ZNF536: variants seen among roughly 807,000 people sequenced by gnomAD.
ZNF536 encodes zinc finger protein 536.
In ZNF536, 13 loss-of-function variants were observed where a neutral mutation model predicts 84.5. The observed-to-expected ratio is 0.15, with a 90% CI of 0.10 to 0.24. ZNF536 has a LOEUF of 0.24. Among genes scored for constraint, ZNF536 ranks in the 10% least tolerant of loss-of-function variants. The pLI is 1.00. For synonymous variants in ZNF536, 811 were observed against 742.5 expected (o/e 1.09, Z -1.50); for missense variants, 1,536 against 1,747.5 (o/e 0.88, Z 2.16).
chr19:30,397,612 A>G (rs534289031), intron 1 of ZNF536, among the ~76,000 whole-genome samples: 5 of 152,212 alleles, frequency 3.3e-5, no homozygotes, highest in South Asian at 2.1e-4. Flanking sequence ...TTATATTGCC[A>G]TTTCCACCAT....
At chr19:30,553,573 G>A (rs889351545) in intron 4 of ZNF536, among the ~76,000 whole-genome samples, 1 of 152,180 alleles carries the variant, frequency 6.6e-6, no homozygotes, top group African/African-American at 2.4e-5. Flanking sequence ...ACAGATGAAC[G>A]GGAAAGCAGG....
Position 30,480,117 on chromosome 19 carries a change from G to C in ZNF536, c.2170+34385G>C, listed in dbSNP as rs74927298. 6.2e-4 allele frequency among the ~76,000 whole-genome samples: 95 copies of C among 152,316 alleles called. 3 individuals carry two copies. In the East Asian group the frequency reaches 0.018, roughly 29 times the overall value. ...AGTTCCTCAGATATCACAGCAGCAG[G>C]TTTCAGCACTGCTTTCCCAAGCTCT... On this transcript the variant is annotated intron_variant, in intron 2 of 4. Transcript: ENST00000355537.
intron 3 of ZNF536, among the ~76,000 whole-genome samples, chr19:30,366,403 T>G (rs1375758107): frequency 6.6e-6 from 1 of 151,888 alleles, no homozygotes; most frequent in African/African-American, 2.4e-5. Flanking sequence ...TATCTATATC[T>G]ATCTCCTTCC....
chr19:30,286,062 G>A (rs1298553759), intron 2 of ZNF536, among the ~76,000 whole-genome samples: 1 of 152,108 alleles, frequency 6.6e-6, no homozygotes, highest in Non-Finnish European at 1.5e-5. Context: ...CTGAAATACA[G>A]CCCTCTTCCT....
intron 1 of ZNF536, among the ~76,000 whole-genome samples, chr19:30,392,184 G>T (rs1289833972): frequency 6.6e-6 from 1 of 152,090 alleles, no homozygotes; most frequent in African/African-American, 2.4e-5. Context: ...TTTCCCTTGG[G>T]AATTCCAGTC....
chr19:30,570,573 C>T (rs1482051917), intron 1 of ZNF536, among the ~76,000 whole-genome samples: 1 of 152,144 alleles, frequency 6.6e-6, no homozygotes, highest in Middle Eastern at 3.2e-3. Flanking sequence ...CCGTTGTCAA[C>T]AGAACAAAGG....
chr19:30,306,218 A>T (rs1489163385), intron 2 of ZNF536, among the ~76,000 whole-genome samples: 1 of 134,644 alleles, frequency 7.4e-6, no homozygotes, highest in African/African-American at 2.8e-5. Context: ...TTGTAAAGAG[A>T]TGCTTGTTTA....
chr19:30,426,150 C>T (rs959475311), intron 1 of ZNF536, among the ~76,000 whole-genome samples: 8 of 152,168 alleles, frequency 5.3e-5, no homozygotes, highest in Non-Finnish European at 8.8e-5. Context: ...GCTTGGCTTC[C>T]CCAGGCCTGC....
intron 1 of ZNF536, among the ~76,000 whole-genome samples, chr19:30,403,450 G>A (rs2050136039): frequency 6.6e-6 from 1 of 152,198 alleles, no homozygotes; most frequent in Non-Finnish European, 1.5e-5. Context: ...TTAAGCAGAG[G>A]AAACTGTCAT....
At chr19:30,318,093 C>T (rs1368456410) in intron 2 of ZNF536, among the ~76,000 whole-genome samples, 15 of 152,214 alleles carry the variant, frequency 9.9e-5, no homozygotes, top group Non-Finnish European at 4.4e-5. Context: ...CACATCCGGC[C>T]TGCCCTTTCC....
chr19:30,284,567 C>G (rs1420257911), intron 2 of ZNF536, among the ~76,000 whole-genome samples: 1 of 152,236 alleles, frequency 6.6e-6, no homozygotes, highest in African/African-American at 2.4e-5. Flanking sequence ...CAAATCCTGT[C>G]CCAAAGCTGC....
chr19:30,285,853 A>G (rs2045606465), intron 2 of ZNF536, among the ~76,000 whole-genome samples: 1 of 152,176 alleles, frequency 6.6e-6, no homozygotes, highest in South Asian at 2.1e-4. Flanking sequence ...AATCAAAATA[A>G]CTCCAGAAAT....
At position 30,548,451 on chromosome 19, in the gene ZNF536, C is replaced by G. The variant is rs2146202000; in HGVS notation, c.2832C>G (p.Pro944=). 2 of 1,614,168 alleles carry G rather than the reference C, an allele frequency of 1.2e-6. No individual in the cohort carries two copies. Among genetic ancestry groups the G allele is most frequent in the Non-Finnish European group, 1.7e-6 (2 of 1,180,036 alleles). The change falls in exon 4 of 5, where the codon CCC becomes CCG. Residue 944 remains proline (P), a synonymous_variant. Transcript: ENST00000355537. Reference sequence around the variant, plus strand: ...TGAAGGACAAAGCCCTGGCTGACCCCCCTTCCATGAAAGTCCACGGAGTGG... The same window carrying G: ...TGAAGGACAAAGCCCTGGCTGACCCGCCTTCCATGAAAGTCCACGGAGTGG... ...KDMKDKALAD[P]PSMKVHGVDG...
chr19:30,287,609 G>T (rs1449300740), intron 2 of ZNF536, among the ~76,000 whole-genome samples: 10 of 130,742 alleles, frequency 7.6e-5, no homozygotes, highest in African/African-American at 3.0e-4. Context: ...TGGATGGGTG[G>T]ATGGATGGGT....
chr19:30,442,566 T>G (rs996092894), intron 1 of ZNF536, among the ~76,000 whole-genome samples: 3 of 152,224 alleles, frequency 2.0e-5, no homozygotes, highest in Non-Finnish European at 4.4e-5. Context: ...GCTTTGGATA[T>G]CTTGCCATTG....
intron 1 of ZNF536, among the ~76,000 whole-genome samples, chr19:30,254,340 A>G (rs966253282): frequency 6.6e-6 from 1 of 152,168 alleles, no homozygotes; most frequent in African/African-American, 2.4e-5. Flanking sequence ...ACTCAATTAC[A>G]GAATTCTCCT....
At chr19:30,604,915 G>A (rs2047815115) in intron 1 of ZNF536, among the ~76,000 whole-genome samples, 1 of 152,186 alleles carries the variant, frequency 6.6e-6, no homozygotes, top group Non-Finnish European at 1.5e-5. Flanking sequence ...ACAGCAGGAA[G>A]GCAGCCAGAG....
intron 1 of ZNF536, among the ~76,000 whole-genome samples, chr19:30,670,069 G>A (rs1296169030): frequency 6.6e-6 from 1 of 152,228 alleles, no homozygotes; most frequent in African/African-American, 2.4e-5. Flanking sequence ...GCGGGCCCGG[G>A]ACTCACGGGC....
At chr19:30,355,875 G>A (rs539287462) in intron 3 of ZNF536, among the ~76,000 whole-genome samples, 30 of 152,232 alleles carry the variant, frequency 2.0e-4, no homozygotes, top group African/African-American at 6.5e-4. Flanking sequence ...AGTTTCACCC[G>A]AAACTCTCAC....
Sources: allele counts gnomAD v4.1 joint callset (sites outside exome capture counted in the v4.1 genomes callset), GRCh38; gene constraint gnomAD v4.1.1; transcripts MANE v1.5; gene names NCBI Gene and HGNC (gene_info 2026-07-23, HGNC 2026-07-21).